Variants in SMOC2 observed in about 807,000 individuals in gnomAD.
SMOC2 encodes SPARC related modular calcium binding 2.
SMOC2 carries 39 observed loss-of-function variants against 61.4 expected under a neutral mutation model. The ratio of observed to expected loss-of-function variants is 0.64; its 90% CI spans 0.49 to 0.83. The LOEUF (loss-of-function observed/expected upper bound fraction) is 0.83, where lower values mean the gene tolerates loss of function less well. Ranked by LOEUF, SMOC2 falls within the 40% of genes least tolerant of loss-of-function variation. The pLI is 0.00. For missense variants in SMOC2, 556 were observed against 592.9 expected, an observed-to-expected ratio of 0.94 and a Z score of 0.65; for synonymous variants, 247 against 239.9, an observed-to-expected ratio of 1.03 and a Z score of -0.27.
chr6:168,562,348 AGGAGGTGTCATTTTC>A (rs1784437277), intron 7 of SMOC2, among the ~76,000 whole-genome samples: 5 of 136,532 alleles, frequency 3.7e-5, no homozygotes, highest in African/African-American at 1.2e-4. Context: ...GTGTTCTCGG[AGGAGGTGTCATTTTC>A]CTGCCCTGAG....
chr6:168,460,584 G>A (rs1474517588), intron 1 of SMOC2, among the ~76,000 whole-genome samples: 1 of 152,134 alleles, frequency 6.6e-6, no homozygotes, highest in East Asian at 1.9e-4. Flanking sequence ...TTATAATAGG[G>A]CATCTGAGCC....
At chr6:168,605,896 C>T (rs972992281) in intron 8 of SMOC2, among the ~76,000 whole-genome samples, 1 of 152,198 alleles carries the variant, frequency 6.6e-6, no homozygotes, top group Admixed American at 6.5e-5. Flanking sequence ...ACTCTATCCT[C>T]AGAGTCTACG....
At chr6:168,607,344 A>G (rs551337575) in intron 8 of SMOC2, among the ~76,000 whole-genome samples, 1 of 152,304 alleles carries the variant, frequency 6.6e-6, no homozygotes, top group Admixed American at 6.5e-5. Flanking sequence ...GGCCTTGGTC[A>G]AGGGCTGCTG....
intron 1 of SMOC2, among the ~76,000 whole-genome samples, chr6:168,501,414 T>C (rs1378436775): frequency 6.6e-6 from 1 of 152,022 alleles, no homozygotes; most frequent in Non-Finnish European, 1.5e-5. Context: ...CGTCCCTTGC[T>C]GCGGTGCCAG....
chr6:168,507,854 A>G (rs1583065390), intron 1 of SMOC2, among the ~76,000 whole-genome samples: 1 of 152,368 alleles, frequency 6.6e-6, no homozygotes, highest in Middle Eastern at 3.4e-3. Flanking sequence ...AAATGGAACA[A>G]TTGTGAAAAA....
chr6:168,584,255 G>C (rs1272764112), intron 7 of SMOC2, among the ~76,000 whole-genome samples: 1 of 152,232 alleles, frequency 6.6e-6, no homozygotes, highest in Non-Finnish European at 1.5e-5. Context: ...TCCTCCTGCG[G>C]ACTAGACTCA....
chr6:168,474,493 C>T lies in SMOC2; in HGVS notation c.84+33039C>T, dbSNP rs560234697. On this transcript the variant is annotated intron_variant, in intron 1 of 12. Transcript: ENST00000356284. Reference sequence around the variant, plus strand: ...GCTCTCTCTGCTGGTGTGGTCTGGCCGCTTGGTTCTGGCCTCTCTGTCCTC... The same window carrying T: ...GCTCTCTCTGCTGGTGTGGTCTGGCTGCTTGGTTCTGGCCTCTCTGTCCTC... 3.3e-3 allele frequency among the ~76,000 whole-genome samples: 505 copies of T among 152,222 alleles called. 1 individual carries two copies. Among genetic ancestry groups the T allele is most frequent in the Non-Finnish European group, 5.4e-3 (365 of 67,984 alleles).
At chr6:168,533,982 T>C (rs1783674124) in intron 4 of SMOC2, among the ~76,000 whole-genome samples, 1 of 152,166 alleles carries the variant, frequency 6.6e-6, no homozygotes, top group Admixed American at 6.5e-5. Context: ...GTGGTGGCTC[T>C]TGCTTGTAAT....
intron 7 of SMOC2, among the ~76,000 whole-genome samples, chr6:168,586,046 G>T (rs529475123): frequency 6.6e-6 from 1 of 152,058 alleles, no homozygotes; most frequent in Non-Finnish European, 1.5e-5. Context: ...TTCTGCATCT[G>T]CCCTAGAGAT....
intron 8 of SMOC2, among the ~76,000 whole-genome samples, chr6:168,605,891 A>T (rs1224350184): frequency 6.6e-6 from 1 of 152,142 alleles, no homozygotes; most frequent in African/African-American, 2.4e-5. Flanking sequence ...CTGGAACTCT[A>T]TCCTCAGAGT....
intron 7 of SMOC2, among the ~76,000 whole-genome samples, chr6:168,577,685 C>T (rs1174745398): frequency 6.6e-6 from 1 of 152,200 alleles, no homozygotes; most frequent in African/African-American, 2.4e-5. Flanking sequence ...ACTCCTGTTT[C>T]ATCTGCATGA....
intron 2 of SMOC2, among the ~76,000 whole-genome samples, chr6:168,517,496 C>T (rs1783171082): frequency 1.3e-5 from 2 of 152,202 alleles, no homozygotes; most frequent in Admixed American, 6.5e-5. Flanking sequence ...GAGGGGCTGC[C>T]CTGCCGGGGG....
At chr6:168,640,758 A>T (rs954396474) in intron 9 of SMOC2, among the ~76,000 whole-genome samples, 3 of 152,230 alleles carry the variant, frequency 2.0e-5, no homozygotes, top group Non-Finnish European at 2.9e-5. Flanking sequence ...GTAGAAAAAA[A>T]CTATTAGAAG....
intron 2 of SMOC2, among the ~76,000 whole-genome samples, chr6:168,519,359 TTTC>T (rs1783269665): frequency 6.6e-6 from 1 of 152,176 alleles, no homozygotes; most frequent in African/African-American, 2.4e-5. Context: ...CAGGTTGGAT[TTTC>T]TTCTTCCAGC....
chr6:168,609,373 A>G (rs1243262948), intron 9 of SMOC2, among the ~76,000 whole-genome samples: 1 of 151,868 alleles, frequency 6.6e-6, no homozygotes, highest in Non-Finnish European at 1.5e-5. Context: ...TAATGAGAGT[A>G]TGGTCCTTGT....
chr6:168,526,297 A>G (rs946726698), intron 2 of SMOC2, 49 bp from the exon 3 acceptor site: 4 of 1,514,246 alleles, frequency 2.6e-6, no homozygotes, highest in Non-Finnish European at 3.7e-6. Flanking sequence ...TATCTGTTCT[A>G]TCTTCTTCCC....
intron 4 of SMOC2, among the ~76,000 whole-genome samples, chr6:168,530,645 C>G (rs5010565): frequency 1.8e-4 from 19 of 105,126 alleles, no homozygotes; most frequent in African/African-American, 5.3e-4. Context: ...CAACCCCCCC[C>G]CCCCCGCCCC....
chr6:168,525,442 C>T (rs1473290430), intron 2 of SMOC2, among the ~76,000 whole-genome samples: 1 of 152,204 alleles, frequency 6.6e-6, no homozygotes, highest in Non-Finnish European at 1.5e-5. Flanking sequence ...TAGGGAGAAA[C>T]AAGGCCTGCT....
At chr6:168,534,478 T>C (rs910161680) in intron 4 of SMOC2, among the ~76,000 whole-genome samples, 2 of 152,248 alleles carry the variant, frequency 1.3e-5, no homozygotes, top group African/African-American at 4.8e-5. Context: ...CGTCCCGCCC[T>C]GGCCCTTCCC....
Sources: gnomAD v4.1 joint callset for allele counts (sites outside exome capture counted in the v4.1 genomes callset) on GRCh38, gnomAD v4.1.1 for gene constraint, MANE v1.5 for transcripts, NCBI Gene and HGNC (gene_info 2026-07-23, HGNC 2026-07-21) for gene names.